The following DENND3 variants were observed in gnomAD, a reference collection of about 807,000 sequenced individuals.
DENND3 encodes the protein DENN domain containing 3.
In DENND3, 88 loss-of-function variants were observed where a neutral mutation model predicts 135.1. The ratio of observed to expected loss-of-function variants is 0.65; its 90% CI spans 0.55 to 0.78. DENND3 has a LOEUF of 0.78. DENND3 is among the 30% of genes least tolerant of loss of function. DENND3 has a pLI of 0.00. For missense variants in DENND3, 1,392 were observed against 1,688.4 expected, an observed-to-expected ratio of 0.82 and a Z score of 3.08; for synonymous variants, 693 against 712.3, an observed-to-expected ratio of 0.97 and a Z score of 0.43.
chr8:141,179,553 T>G (rs780321653), intron 16 of DENND3, among the ~76,000 whole-genome samples: 16 of 152,200 alleles, frequency 1.1e-4, no homozygotes, highest in Non-Finnish European at 1.8e-4. Flanking sequence ...TGAGCTTAAT[T>G]TAGTAGCTTA....
In DENND3 at chr8:141,176,684, C is replaced by A; in HGVS notation, c.2629C>A (p.Leu877Met). The A allele has an allele frequency of 6.2e-7, 1 of 1,614,240 alleles. No homozygotes were observed. The highest frequency in any genetic ancestry group is 8.5e-7 in the Non-Finnish European group (1 of 1,180,040). ...CAAGAAAGAAGTCTTCGAAGCCAAC[C>A]TGAAAACCGAGTGTGACCTTTGGCA... ...ASKKEVFEANLKTECDLWHLM... is the reference protein window; with the variant it reads ...ASKKEVFEANMKTECDLWHLM... Residue 877 changes from leucine to methionine, a missense_variant, in exon 15 of 23, where the codon CTG becomes ATG. Leu to Met is a conservative substitution (Grantham distance 15, BLOSUM62 2). Transcript: ENST00000519811.
chr8:141,131,554 C>T (rs1052395408), intron 1 of DENND3, among the ~76,000 whole-genome samples: 2 of 152,118 alleles, frequency 1.3e-5, no homozygotes, highest in African/African-American at 4.8e-5. Context: ...GTAGTGTGGC[C>T]AGTGAGCTAA....
chr8:141,175,380 C>T lies in DENND3; in HGVS notation c.2456C>T (p.Ala819Val). Residue 819 changes from alanine (A) to valine (V), a missense_variant, in exon 14 of 23, where the codon GCC (alanine) becomes GTC (valine). Transcript: ENST00000519811. The surrounding 1 kb of genome is among the most constrained non-coding windows in gnomAD (Gnocchi z 5.4). ...ACAAACCTAGGCGTTGGCAAGATCG[C>T]CATGACCCAGAAGCGCCTGTTCCTC... ...VKTNLGVGKI[A>V]MTQKRLFLLT... The T allele has an allele frequency of 6.2e-7, 1 of 1,614,168 alleles. No individual in the cohort carries two copies.
intron 8 of DENND3, among the ~76,000 whole-genome samples, chr8:141,160,193 TTTA>T (rs796377508): frequency 2.8e-3 from 278 of 100,550 alleles, no homozygotes; most frequent in Middle Eastern, 4.2e-3. Context: ...TTTTTTTTTT[TTTA>T]AGACAGAGTT....
chr8:141,155,928 T>G lies in DENND3; in HGVS notation c.1154T>G (p.Ile385Ser). ...AAGTCCACGGACGATAACGTGGACA[T>G]TCCTGATGTCCCCCTCCTGGCAGCC... Reference protein sequence around the residue: ...YSKSTDDNVDIPDVPLLAAQT... With the variant: ...YSKSTDDNVDSPDVPLLAAQT... The change falls in exon 8 of 23, where the codon ATT becomes AGT. Residue 385 changes from isoleucine to serine, a missense_variant. Transcript: ENST00000519811. The G allele has an allele frequency of 6.2e-7, 1 of 1,612,544 alleles. No individual in the cohort carries two copies. The highest frequency in any genetic ancestry group is 8.5e-7 in the Non-Finnish European group (1 of 1,179,076).
intron 9 of DENND3, among the ~76,000 whole-genome samples, chr8:141,162,612 T>G (rs1262613751): frequency 6.6e-6 from 1 of 152,162 alleles, no homozygotes; most frequent in East Asian, 1.9e-4. Flanking sequence ...ATCGCGAGTT[T>G]GTAACATGAT....
At chr8:141,155,288 A>G (rs1819306136) in intron 7 of DENND3, among the ~76,000 whole-genome samples, 1 of 152,234 alleles carries the variant, frequency 6.6e-6, no homozygotes, top group South Asian at 2.1e-4. Context: ...TACCACAATT[A>G]AGAAAAATAA....
chr8:141,164,395 G>A (rs887170457), intron 10 of DENND3, among the ~76,000 whole-genome samples: 6 of 152,186 alleles, frequency 3.9e-5, no homozygotes, highest in Middle Eastern at 3.2e-3. Flanking sequence ...TGATCCTTTG[G>A]GGGTTTGTTT....
intron 6 of DENND3, among the ~76,000 whole-genome samples, 197 bp downstream of exon 6, chr8:141,151,150 C>T (rs1441181154): frequency 1.3e-5 from 2 of 152,208 alleles, no homozygotes; most frequent in South Asian, 2.1e-4. Flanking sequence ...TTTGCAGAGT[C>T]TCAGGTGGCT....
In DENND3 at chr8:141,128,693, G is replaced by A. The variant is rs1440262654; in HGVS notation, c.-15G>A. The A allele has an allele frequency of 1.5e-5, 21 of 1,374,542 alleles. No individual in the cohort carries two copies. The highest frequency in any genetic ancestry group is 1.9e-5 in the Non-Finnish European group (20 of 1,064,986). 85.1% of individuals were successfully genotyped at this position (1,374,542 alleles called of 1,614,324 possible). ...GGCGCCCGAGTGCGGTACTGGCGGCGGGCGGCGGGCAGCCATGGCGGAGGC... is the reference window on the plus strand; with the variant it reads ...GGCGCCCGAGTGCGGTACTGGCGGCAGGCGGCGGGCAGCCATGGCGGAGGC... On this transcript the variant is annotated 5_prime_UTR_variant, in exon 1 of 23. Coordinates refer to ENST00000519811, the MANE Select transcript of DENND3 (RefSeq NM_001352890.3). The surrounding 1 kb of genome is among the most constrained non-coding windows in gnomAD (Gnocchi z 4.5).
chr8:141,192,228 C>A (rs1824846535), intron 20 of DENND3, 103 bp from the exon 21 acceptor site: 4 of 1,486,244 alleles, frequency 2.7e-6, no homozygotes, highest in Admixed American at 1.9e-5. Context: ...TGGTGATCCC[C>A]CCCATCACCA....
rs576544052 is a variant in DENND3, at chr8:141,138,684, C to A, written c.501+547C>A. Among the ~76,000 whole-genome samples the A allele has an allele frequency of 6.6e-6, 1 of 152,266 alleles. No homozygotes were observed. The highest frequency in any genetic ancestry group is 6.5e-5 in the Admixed American group (1 of 15,298). On this transcript the variant is annotated intron_variant, in intron 3 of 22. Coordinates refer to ENST00000519811, the MANE Select transcript of DENND3 (RefSeq NM_001352890.3). The surrounding 1 kb of genome is among the most constrained non-coding windows in gnomAD (Gnocchi z 4.8). ...TACAGGTGTGAGCGCTGCGCCCGGC[C>A]GGCTAATCCCCTTTCTGTCTCTGGA...
At chr8:141,178,974 G>A (rs181326498) in intron 16 of DENND3, among the ~76,000 whole-genome samples, 36 of 152,256 alleles carry the variant, frequency 2.4e-4, no homozygotes, top group African/African-American at 7.2e-4. Context: ...GAGCATTCAT[G>A]TGTAAGCTCT....
chr8:141,168,842 C>T lies in DENND3; in HGVS notation c.2275+317C>T, dbSNP rs186601925. On this transcript the variant is annotated intron_variant, in intron 13 of 22. Coordinates refer to ENST00000519811, the MANE Select transcript of DENND3 (RefSeq NM_001352890.3). This position sits in a 1 kb window ranked among gnomAD's most constrained non-coding sequence, Gnocchi z 6.2. Reference sequence around the variant, plus strand: ...CTGAGATTACAAGAGTGAGCCTCTGCGTTGGGCCCATATATTTTATTTTAC... The same window carrying T: ...CTGAGATTACAAGAGTGAGCCTCTGTGTTGGGCCCATATATTTTATTTTAC... 9.8e-4 allele frequency among the ~76,000 whole-genome samples: 149 copies of T among 151,942 alleles called. No individual in the cohort carries two copies. Among genetic ancestry groups the T allele is most frequent in the Non-Finnish European group, 1.5e-3 (105 of 67,978 alleles).
chr8:141,174,547 CTG>C lies in DENND3; in HGVS notation c.2276-650_2276-649del, dbSNP rs1300117899. On this transcript the variant is annotated intron_variant, in intron 13 of 22. Transcript: ENST00000519811. The surrounding 1 kb of genome is among the most constrained non-coding windows in gnomAD (Gnocchi z 4.6). ...TCGTTCCGCGACTTGCCAGGAGTCTCTGTGAAAGGTCGTGAAGCGGGCTTCAG... is the reference window on the plus strand; with the variant it reads ...TCGTTCCGCGACTTGCCAGGAGTCTCTGAAAGGTCGTGAAGCGGGCTTCAG... Among the ~76,000 whole-genome samples the C allele has an allele frequency of 6.6e-6, 1 of 152,182 alleles. No homozygotes were observed. Among genetic ancestry groups the C allele is most frequent in the Non-Finnish European group, 1.5e-5 (1 of 68,032 alleles).
chr8:141,177,987 C>A, intron 15 of DENND3, 80 bp from the exon 16 acceptor site: 1 of 1,506,582 alleles, frequency 6.6e-7, no homozygotes, highest in South Asian at 1.3e-5. Flanking sequence ...GAAGGATTGT[C>A]CTGTGTGTTG....
At chr8:141,133,151 C>T (rs944397608) in intron 1 of DENND3, among the ~76,000 whole-genome samples, 5 of 152,076 alleles carry the variant, frequency 3.3e-5, no homozygotes, top group African/African-American at 9.7e-5. Context: ...GGTCTGCCCC[C>T]GTGCAGGTGG....
At chr8:141,152,849 G>C (rs144921378) in intron 7 of DENND3, among the ~76,000 whole-genome samples, 1 of 152,146 alleles carries the variant, frequency 6.6e-6, no homozygotes, top group African/African-American at 2.4e-5. Flanking sequence ...CGGCCGTGCC[G>C]TTTTACACTC....
intron 1 of DENND3, among the ~76,000 whole-genome samples, chr8:141,131,137 C>T (rs986948531): frequency 2.0e-5 from 3 of 152,046 alleles, no homozygotes; most frequent in African/African-American, 7.3e-5. Flanking sequence ...GTTTCATTTC[C>T]TAGAAGGGGG....
Sources: allele counts gnomAD v4.1 joint callset (sites outside exome capture counted in the v4.1 genomes callset), GRCh38; gene constraint gnomAD v4.1.1; non-coding constraint Gnocchi (gnomAD v3.1); transcripts MANE v1.5; gene names NCBI Gene and HGNC (gene_info 2026-07-23, HGNC 2026-07-21).